The following PDZD2 variants were observed in gnomAD, a reference collection of about 807,000 sequenced individuals.
PDZD2 encodes the protein PDZ domain-containing protein 2.
In PDZD2, 90 loss-of-function variants were observed where a neutral mutation model predicts 220.7. The observed-to-expected ratio is 0.41, with a 90% CI of 0.34 to 0.49. PDZD2 has a LOEUF of 0.49. Ranked by LOEUF, PDZD2 falls within the 20% of genes least tolerant of loss-of-function variation. The pLI is 0.28. For missense variants in PDZD2, 3,174 were observed against 3,608.5 expected (o/e 0.88, Z 3.08); for synonymous variants, 1,375 against 1,450.5 (o/e 0.95, Z 1.18).
chr5:31,859,197 T>C (rs1169095107), intron 2 of PDZD2, among the ~76,000 whole-genome samples: 2 of 152,084 alleles, frequency 1.3e-5, no homozygotes, highest in Admixed American at 1.3e-4. Context: ...TAAAAAAACA[T>C]AGCCTTCAAA....
chr5:31,932,057 G>A (rs954084738), intron 2 of PDZD2, among the ~76,000 whole-genome samples: 2 of 152,142 alleles, frequency 1.3e-5, no homozygotes, highest in South Asian at 2.1e-4. Flanking sequence ...CCATCAAGGG[G>A]CAGGAAAACA....
intron 2 of PDZD2, among the ~76,000 whole-genome samples, chr5:31,929,356 T>G (rs2150389311): frequency 6.6e-6 from 1 of 152,344 alleles, no homozygotes; most frequent in East Asian, 1.9e-4. Context: ...AGATCATTCT[T>G]TGTGGGAGGA....
At chr5:32,008,406 A>AG (rs1447472945) in intron 5 of PDZD2, among the ~76,000 whole-genome samples, 1 of 150,580 alleles carries the variant, frequency 6.6e-6, no homozygotes, top group African/African-American at 2.5e-5. Flanking sequence ...TCAGTCCCCC[A>AG]AGTAGCTGGG....
chr5:31,899,711 T>C (rs1741909922), intron 2 of PDZD2, among the ~76,000 whole-genome samples: 1 of 152,228 alleles, frequency 6.6e-6, no homozygotes, highest in African/African-American at 2.4e-5. Context: ...TATTGGGAAG[T>C]GGGGCCTTTT....
At chr5:31,977,236 A>G (rs1245315038) in intron 2 of PDZD2, among the ~76,000 whole-genome samples, 1 of 152,200 alleles carries the variant, frequency 6.6e-6, no homozygotes, top group Non-Finnish European at 1.5e-5. Flanking sequence ...ACTATGTGAC[A>G]GGCATTAATA....
chr5:31,704,927 G>A (rs557737419), intron 1 of PDZD2, among the ~76,000 whole-genome samples: 4 of 152,274 alleles, frequency 2.6e-5, no homozygotes, highest in African/African-American at 9.6e-5. Context: ...TTGGAAGGCC[G>A]AGGTGGGCGG....
intron 2 of PDZD2, among the ~76,000 whole-genome samples, chr5:31,929,173 T>C (rs1035423223): frequency 6.6e-6 from 1 of 152,168 alleles, no homozygotes; most frequent in African/African-American, 2.4e-5. Context: ...AGAAAGGGCA[T>C]GTTGGCTCCA....
intron 1 of PDZD2, among the ~76,000 whole-genome samples, chr5:31,765,207 C>T (rs1488560983): frequency 1.3e-5 from 2 of 152,210 alleles, no homozygotes; most frequent in East Asian, 3.9e-4. Context: ...TCCACTGCCA[C>T]ATCAGAGGAC....
intron 1 of PDZD2, among the ~76,000 whole-genome samples, chr5:31,712,279 T>G (rs1250665364): frequency 6.6e-6 from 1 of 152,100 alleles, no homozygotes; most frequent in Non-Finnish European, 1.5e-5. Flanking sequence ...GGCCAGGAAT[T>G]TGGGGAGAAT....
rs553306388 is a variant in PDZD2 at position 32,008,494 on chromosome 5, C to G, written c.1255-1836C>G. ...ACGGATGGGGTTTCACCATGTTGGC[C>G]AGGCTGGTCTTGAACTCCTGACCTC... On this transcript the variant is annotated intron_variant, in intron 5 of 24. Coordinates refer to ENST00000438447, the MANE Select transcript of PDZD2 (RefSeq NM_178140.4). Among the ~76,000 whole-genome samples the G allele has an allele frequency of 2.0e-5, 3 of 152,174 alleles. No individual in the cohort carries two copies. The South Asian group carries it at 6.2e-4, about 32-fold the overall frequency.
At chr5:31,721,846 C>A (rs908964230) in intron 1 of PDZD2, among the ~76,000 whole-genome samples, 2 of 151,958 alleles carry the variant, frequency 1.3e-5, no homozygotes, top group African/African-American at 4.8e-5. Flanking sequence ...TGGCGGAGAT[C>A]GGTTTACAGA....
At chr5:32,059,564 CT>C (rs879156508) in intron 13 of PDZD2, among the ~76,000 whole-genome samples, 1 of 152,170 alleles carries the variant, frequency 6.6e-6, no homozygotes, top group South Asian at 2.1e-4. Context: ...AACTCTAGAT[CT>C]TGGCTTCCCT....
intron 1 of PDZD2, among the ~76,000 whole-genome samples, chr5:31,788,529 G>T (rs956064188): frequency 6.6e-6 from 1 of 152,090 alleles, no homozygotes; most frequent in African/African-American, 2.4e-5. Context: ...GCCGGGTGTG[G>T]TGGCGGGCGC....
chr5:32,028,481 A>G (rs1362579812), intron 6 of PDZD2, among the ~76,000 whole-genome samples: 2 of 152,152 alleles, frequency 1.3e-5, no homozygotes, highest in East Asian at 3.8e-4. Flanking sequence ...GCAATGATAT[A>G]AAATGTCAAC....
intron 1 of PDZD2, among the ~76,000 whole-genome samples, chr5:31,656,042 C>T (rs1408446833): frequency 6.6e-6 from 1 of 152,230 alleles, no homozygotes; most frequent in Non-Finnish European, 1.5e-5. Context: ...AACTTCGATG[C>T]ACAGGCATAG....
In PDZD2 at chr5:31,718,331, G is replaced by T. The variant is rs369942446; in HGVS notation, c.-361+78894G>T. Among the ~76,000 whole-genome samples the T allele has an allele frequency of 1.2e-3, 184 of 152,334 alleles. 3 individuals carry two copies. Among genetic ancestry groups the T allele is most frequent in the African/African-American group, 4.1e-3 (171 of 41,566 alleles). On this transcript the variant is annotated intron_variant, in intron 1 of 24. Transcript: ENST00000438447. ...AGGCAGATGGGCCTGGGGGAAGAAG[G>T]TTTGGTAGCCAGAAGCTCCAGTCCA...
chr5:31,822,610 C>A, intron 2 of PDZD2: 2 of 1,276,814 alleles, frequency 1.6e-6, no homozygotes, highest in African/African-American at 1.5e-5. Context: ...AGATACCATC[C>A]AAAAATTTCC....
chr5:31,675,398 G>C (rs760785578), intron 1 of PDZD2, among the ~76,000 whole-genome samples: 2 of 152,198 alleles, frequency 1.3e-5, no homozygotes, highest in African/African-American at 2.4e-5. Flanking sequence ...TTGTGGAAAG[G>C]CCTTTGGTAA....
chr5:32,079,789 C>CA (rs1184665924), intron 19 of PDZD2, among the ~76,000 whole-genome samples: 1 of 151,390 alleles, frequency 6.6e-6, no homozygotes, highest in Non-Finnish European at 1.5e-5. Context: ...CCAGCCTGGG[C>CA]AAAAAGAGCG....
Sources: allele counts gnomAD v4.1 joint callset (sites outside exome capture counted in the v4.1 genomes callset), GRCh38; gene constraint gnomAD v4.1.1; transcripts MANE v1.5; gene names NCBI Gene and HGNC (gene_info 2026-07-23, HGNC 2026-07-21).